Variants in VOPP1 observed in about 807,000 individuals in gnomAD.
VOPP1 encodes VOPP1 WW domain binding protein.
Under a neutral mutation model 23.5 loss-of-function variants are expected in VOPP1, and 8 were observed. The observed-to-expected ratio is 0.34, with a 90% CI of 0.20 to 0.61. The LOEUF (loss-of-function observed/expected upper bound fraction) is 0.61, where lower values mean the gene tolerates loss of function less well. VOPP1 is among the 20% of genes least tolerant of loss of function. The pLI, the probability that VOPP1 is intolerant of heterozygous loss-of-function variation, is 0.78. For missense variants in VOPP1, 174 were observed against 238.1 expected (o/e 0.73, Z 1.77); for synonymous variants, 83 against 97.3 (o/e 0.85, Z 0.86).
chr7:55,459,201 T>G (rs1333626001), intron 4 of VOPP1, among the ~76,000 whole-genome samples: 2 of 152,182 alleles, frequency 1.3e-5, no homozygotes, highest in Non-Finnish European at 1.5e-5. Flanking sequence ...TGTTAAACCA[T>G]CCTTGCATCT....
At chr7:55,499,843 G>C (rs1356623340) in intron 2 of VOPP1, among the ~76,000 whole-genome samples, 31 of 152,138 alleles carry the variant, frequency 2.0e-4, no homozygotes, top group Non-Finnish European at 1.5e-5. Flanking sequence ...ACCTGGTCTG[G>C]CTGTTTCTGC....
intron 4 of VOPP1, among the ~76,000 whole-genome samples, chr7:55,476,317 C>A (rs1792246227): frequency 6.6e-6 from 1 of 152,076 alleles, no homozygotes. Context: ...GACAATCACC[C>A]CTTCTCAGTG....
chr7:55,531,432 C>T (rs1196496128), intron 1 of VOPP1, among the ~76,000 whole-genome samples: 1 of 151,748 alleles, frequency 6.6e-6, no homozygotes, highest in East Asian at 1.9e-4. Context: ...TCACTGCAAC[C>T]TCTGCCTCCT....
intron 4 of VOPP1, among the ~76,000 whole-genome samples, chr7:55,477,157 C>CCA (rs1247236412): frequency 6.6e-6 from 1 of 152,216 alleles, no homozygotes; most frequent in Non-Finnish European, 1.5e-5. Context: ...CACTGCCTTC[C>CCA]CAGCTGAGCA....
At chr7:55,532,954 G>C (rs1796578723) in intron 1 of VOPP1, among the ~76,000 whole-genome samples, 1 of 152,150 alleles carries the variant, frequency 6.6e-6, no homozygotes. Context: ...AATGTTAAGG[G>C]ACTAAGCTGT....
chr7:55,518,492 C>A (rs962280534), intron 2 of VOPP1, among the ~76,000 whole-genome samples: 14 of 152,324 alleles, frequency 9.2e-5, no homozygotes, highest in Non-Finnish European at 1.0e-4. Flanking sequence ...TGGTGGTTTG[C>A]TGGTGTTGTC....
intron 3 of VOPP1, among the ~76,000 whole-genome samples, chr7:55,497,235 T>G (rs2129024157): frequency 6.6e-6 from 1 of 152,338 alleles, no homozygotes; most frequent in East Asian, 1.9e-4. Flanking sequence ...GGGAAGAGTC[T>G]GGACAATGAA....
intron 1 of VOPP1, chr7:55,552,586 T>C: frequency 1.3e-6 from 2 of 1,535,536 alleles, no homozygotes; most frequent in South Asian, 2.4e-5. Flanking sequence ...AAACGCTAAG[T>C]GATTGATGCC....
At chr7:55,531,403 G>A (rs979432128) in intron 1 of VOPP1, among the ~76,000 whole-genome samples, 4 of 147,600 alleles carry the variant, frequency 2.7e-5, no homozygotes, top group Non-Finnish European at 5.9e-5. Context: ...ATGCTGGAGT[G>A]CAGTGGTGCG....
intron 1 of VOPP1, among the ~76,000 whole-genome samples, chr7:55,527,550 G>A (rs1254026794): frequency 6.6e-6 from 1 of 152,116 alleles, no homozygotes; most frequent in Non-Finnish European, 1.5e-5. Context: ...CTGAACAGCT[G>A]GTCTGCTTTA....
intron 1 of VOPP1, among the ~76,000 whole-genome samples, chr7:55,533,178 T>G (rs79998073): frequency 4.5e-4 from 69 of 152,290 alleles, no homozygotes; most frequent in African/African-American, 1.6e-3. Flanking sequence ...TAACACAAAC[T>G]CACATGAGTG....
intron 3 of VOPP1, chr7:55,493,310 C>T (rs1020851905): frequency 1.3e-5 from 2 of 152,230 alleles, no homozygotes; most frequent in African/African-American, 4.8e-5. Context: ...ATGAGGGGAC[C>T]CATGGAACTG....
chr7:55,503,618 G>A (rs1794515910), intron 2 of VOPP1, among the ~76,000 whole-genome samples: 1 of 152,224 alleles, frequency 6.6e-6, no homozygotes, highest in African/African-American at 2.4e-5. Context: ...ACCCCGCAAT[G>A]GGATGGTGTT....
intron 1 of VOPP1, among the ~76,000 whole-genome samples, chr7:55,540,782 CCAAGACAACACTGAGA>C (rs1445505685): frequency 6.6e-6 from 1 of 152,192 alleles, no homozygotes; most frequent in African/African-American, 2.4e-5. Flanking sequence ...GAATTCACCG[CCAAGACAACACTGAGA>C]CAGAGTCGAT....
chr7:55,490,467 C>T (rs1186941331), intron 4 of VOPP1, among the ~76,000 whole-genome samples: 1 of 152,168 alleles, frequency 6.6e-6, no homozygotes, highest in African/African-American at 2.4e-5. Flanking sequence ...CAGGCACAGT[C>T]TCAGCACCTC....
intron 1 of VOPP1, among the ~76,000 whole-genome samples, chr7:55,554,891 G>A (rs1797750947): frequency 6.6e-6 from 1 of 152,206 alleles, no homozygotes. Context: ...ATGAGGAGAG[G>A]AGGAAGACCT....
At chr7:55,477,888 G>A (rs758261662) in intron 4 of VOPP1, among the ~76,000 whole-genome samples, 8 of 152,214 alleles carry the variant, frequency 5.3e-5, no homozygotes, top group Admixed American at 5.2e-4. Context: ...GGAGCCTCAT[G>A]TGAGTAGCTG....
At chr7:55,550,391 A>G (rs1797553599) in intron 1 of VOPP1, among the ~76,000 whole-genome samples, 1 of 152,226 alleles carries the variant, frequency 6.6e-6, no homozygotes, top group Non-Finnish European at 1.5e-5. Flanking sequence ...AGAAACAATG[A>G]TAGAATATTT....
At chr7:55,553,639 A>C (rs1005597445) in intron 1 of VOPP1, among the ~76,000 whole-genome samples, 3 of 149,990 alleles carry the variant, frequency 2.0e-5, no homozygotes, top group African/African-American at 4.9e-5. Flanking sequence ...CTGCAACCCC[A>C]CCCCACCCCT....
Sources: allele counts gnomAD v4.1 joint callset (sites outside exome capture counted in the v4.1 genomes callset), GRCh38; gene constraint gnomAD v4.1.1; transcripts MANE v1.5; gene names NCBI Gene and HGNC (gene_info 2026-07-23, HGNC 2026-07-21).